Variants in MROH2B observed in about 807,000 individuals in gnomAD.
The protein encoded by MROH2B is maestro heat-like repeat-containing protein family member 2B.
A neutral mutation model predicts 208.6 loss-of-function variants in MROH2B; 177 were observed. The ratio of observed to expected loss-of-function variants is 0.85; its 90% CI spans 0.75 to 0.96. The LOEUF is 0.96. Among genes scored for constraint, MROH2B ranks in the 40% least tolerant of loss-of-function variants. The pLI is 0.00. For synonymous variants in MROH2B, 728 were observed against 659.0 expected (o/e 1.10, Z -1.60); for missense variants, 2,002 against 1,878.7 (o/e 1.07, Z -1.21).
At chr5:41,020,717 A>C (rs1742118763) in intron 24 of MROH2B, among the ~76,000 whole-genome samples, 2 of 152,230 alleles carry the variant, frequency 1.3e-5, no homozygotes, top group South Asian at 2.1e-4. Context: ...ATTATGTTAT[A>C]GAAATAGGAG....
intron 15 of MROH2B, 70 bp from the exon 16 acceptor site, chr5:41,048,535 T>C: frequency 6.8e-7 from 1 of 1,468,832 alleles, no homozygotes; most frequent in Non-Finnish European, 9.0e-7. Context: ...TTTTCCCTTT[T>C]TACCATTGTT....
At chr5:41,032,120 A>G (rs1336043919) in intron 24 of MROH2B, among the ~76,000 whole-genome samples, 4 of 152,110 alleles carry the variant, frequency 2.6e-5, no homozygotes, top group Non-Finnish European at 5.9e-5. Flanking sequence ...GTTGAATTGT[A>G]GCTCTCCTTT....
intron 18 of MROH2B, among the ~76,000 whole-genome samples, chr5:41,043,941 A>C (rs1210644820): frequency 2.0e-5 from 3 of 152,046 alleles, no homozygotes; most frequent in Non-Finnish European, 4.4e-5. Context: ...CAGCTGTGCT[A>C]GTTAAGATGC....
chr5:41,043,463 T>C (rs1743015439), intron 18 of MROH2B, among the ~76,000 whole-genome samples: 2 of 152,184 alleles, frequency 1.3e-5, no homozygotes, highest in Admixed American at 6.5e-5. Flanking sequence ...GGGAAAGTCT[T>C]GTGCTGCAGA....
chr5:41,015,585 A>G, intron 28 of MROH2B, 107 bp from the exon 29 acceptor site: 1 of 932,832 alleles, frequency 1.1e-6, no homozygotes, highest in Non-Finnish European at 1.6e-6. Context: ...GTCTGATGAG[A>G]TGGTGAACAT....
chr5:41,045,936 A>G, intron 17 of MROH2B, 83 bp from the exon 18 acceptor site: 2 of 912,318 alleles, frequency 2.2e-6, no homozygotes, highest in Non-Finnish European at 3.4e-6. Flanking sequence ...TTATCTTTTA[A>G]AAGTTTAAAT....
At position 41,000,214 on chromosome 5, in the gene MROH2B, A is replaced by G. The variant is rs1430058273; in HGVS notation, c.4482+6T>C. 1.9e-6 allele frequency: 3 copies of G among 1,613,546 alleles called. No homozygotes were observed. The highest frequency in any genetic ancestry group is 2.5e-6 in the Non-Finnish European group (3 of 1,179,714). ...TTTTTGGAGGCGGCATCTATTGGAC[A>G]CTCACCAGTTTCACACAGAATTGCC... On this transcript the variant is annotated splice_donor_region_variant and intron_variant, in intron 39 of 41. Coordinates refer to ENST00000399564, the MANE Select transcript of MROH2B (RefSeq NM_173489.5).
intron 21 of MROH2B, 149 bp downstream of exon 21, chr5:41,038,587 A>T: frequency 1.5e-6 from 1 of 662,160 alleles, no homozygotes; most frequent in Non-Finnish European, 2.3e-6. Context: ...ATAGTAATCC[A>T]CGAGACATTT....
intron 24 of MROH2B, among the ~76,000 whole-genome samples, chr5:41,028,078 A>G (rs1742441338): frequency 6.6e-6 from 1 of 152,144 alleles, no homozygotes; most frequent in Non-Finnish European, 1.5e-5. Context: ...TAGGAGATAT[A>G]CCTAATGTAA....
chr5:41,005,542 A>G lies in MROH2B; in HGVS notation c.3853T>C (p.Phe1285Leu), dbSNP rs1215225644. 1 of 1,601,186 alleles carries G rather than the reference A, an allele frequency of 6.2e-7. No homozygotes were observed. Among genetic ancestry groups the G allele is most frequent in the Non-Finnish European group, 8.5e-7 (1 of 1,173,868 alleles). ...SENYRITGAA[F>L]FSELMKEPIL... is the part of the protein sequence containing the mutation. Reference sequence around the variant, plus strand: ...CTGTTCTCCCTTGCCTCAGAGAAGAAAGCTGCGCCGGTTATCCGGTAGTTC... The same window carrying G: ...CTGTTCTCCCTTGCCTCAGAGAAGAGAGCTGCGCCGGTTATCCGGTAGTTC... The change falls in exon 35 of 42, where the codon TTC (phenylalanine) becomes CTC (leucine). Residue 1285 changes from phenylalanine to leucine, a missense_variant. Coordinates refer to ENST00000399564, the MANE Select transcript of MROH2B (RefSeq NM_173489.5).
chr5:41,008,565 T>C, intron 33 of MROH2B, 41 bp downstream of exon 33: 1 of 1,604,220 alleles, frequency 6.2e-7, no homozygotes, highest in Non-Finnish European at 8.5e-7. Flanking sequence ...GAGTCTGGGA[T>C]TAGGACCACT....
intron 21 of MROH2B, among the ~76,000 whole-genome samples, chr5:41,038,329 T>C (rs1308974399): frequency 1.3e-5 from 2 of 152,176 alleles, no homozygotes; most frequent in Non-Finnish European, 2.9e-5. Context: ...GTGAGATCAC[T>C]ACGGATATGA....
At chr5:41,068,708 G>A (rs1743885800) in intron 2 of MROH2B, among the ~76,000 whole-genome samples, 1 of 133,202 alleles carries the variant, frequency 7.5e-6, no homozygotes, top group Non-Finnish European at 1.7e-5. Flanking sequence ...TCTGGGATCC[G>A]GAGGTTATTC....
At chr5:41,002,890 AC>A (rs1237557407) in intron 37 of MROH2B, among the ~76,000 whole-genome samples, 1 of 152,148 alleles carries the variant, frequency 6.6e-6, no homozygotes, top group East Asian at 1.9e-4. Flanking sequence ...GCCCTGAACA[AC>A]GAAGAAAAAG....
chr5:41,059,847 C>T (rs1315811148), intron 6 of MROH2B, among the ~76,000 whole-genome samples: 1 of 152,172 alleles, frequency 6.6e-6, no homozygotes, highest in Non-Finnish European at 1.5e-5. Flanking sequence ...ACTCTTTAAA[C>T]AACTCCATCT....
intron 30 of MROH2B, among the ~76,000 whole-genome samples, chr5:41,011,019 A>C (rs1741757524): frequency 6.6e-6 from 1 of 152,200 alleles, no homozygotes; most frequent in African/African-American, 2.4e-5. Flanking sequence ...GTTGGAGTGC[A>C]GAGAGAATGA....
At chr5:40,999,463 G>C (rs1230753316) in intron 40 of MROH2B, among the ~76,000 whole-genome samples, 7 of 152,184 alleles carry the variant, frequency 4.6e-5, no homozygotes, top group Non-Finnish European at 8.8e-5. Flanking sequence ...AATGAGTGTA[G>C]GTGAGTCAGG....
chr5:41,052,730 T>C (rs1399170976), intron 11 of MROH2B, 143 bp from the exon 12 acceptor site: 9 of 727,640 alleles, frequency 1.2e-5, no homozygotes, highest in Non-Finnish European at 1.7e-5. Flanking sequence ...TTAATACAGA[T>C]TGAATAATCC....
chr5:41,011,191 A>T (rs1741762524), intron 30 of MROH2B, among the ~76,000 whole-genome samples: 1 of 152,152 alleles, frequency 6.6e-6, no homozygotes, highest in Non-Finnish European at 1.5e-5. Context: ...TCTTAAAGTA[A>T]CTCTGCTTCT....
Sources: allele counts gnomAD v4.1 joint callset (sites outside exome capture counted in the v4.1 genomes callset), GRCh38; gene constraint gnomAD v4.1.1; transcripts MANE v1.5; gene names NCBI Gene and HGNC (gene_info 2026-07-23, HGNC 2026-07-21).